Variants in PTPRG observed in about 807,000 individuals in gnomAD.
The protein encoded by PTPRG is protein tyrosine phosphatase receptor type G, also known as receptor-type tyrosine-protein phosphatase gamma.
A neutral mutation model predicts 165.3 loss-of-function variants in PTPRG; 102 were observed. The observed-to-expected ratio is 0.62, with a 90% confidence interval of 0.53 to 0.73. The LOEUF (loss-of-function observed/expected upper bound fraction) is 0.73, where lower values mean the gene tolerates loss of function less well. Ranked by LOEUF, PTPRG falls within the 30% of genes least tolerant of loss-of-function variation. PTPRG has a pLI of 0.00. For missense variants in PTPRG, 1,866 were observed against 1,861.4 expected (o/e 1.00, Z -0.05); for synonymous variants, 675 against 669.5 (o/e 1.01, Z -0.13).
chr3:62,077,167 G>A (rs537811211), intron 4 of PTPRG, among the ~76,000 whole-genome samples: 3 of 152,212 alleles, frequency 2.0e-5, no homozygotes, highest in Non-Finnish European at 2.9e-5. Context: ...TCAGGAGGCT[G>A]AGGTGGGAGG....
chr3:61,699,808 G>A (rs1399093713), intron 1 of PTPRG, among the ~76,000 whole-genome samples: 1 of 152,162 alleles, frequency 6.6e-6, no homozygotes, highest in Non-Finnish European at 1.5e-5. Flanking sequence ...CTTCAGAGCA[G>A]GAAAATGCCT....
chr3:61,612,495 A>C (rs1337483045), intron 1 of PTPRG, among the ~76,000 whole-genome samples: 1 of 152,192 alleles, frequency 6.6e-6, no homozygotes, highest in Non-Finnish European at 1.5e-5. Context: ...TCCAGTTAGA[A>C]ATGTCAACAC....
chr3:62,243,760 A>G, intron 14 of PTPRG, 47 bp from the exon 15 acceptor site: 1 of 1,217,980 alleles, frequency 8.2e-7, no homozygotes, highest in Non-Finnish European at 1.2e-6. Context: ...GATGAACTCA[A>G]ATAAAGTATA....
intron 2 of PTPRG, among the ~76,000 whole-genome samples, chr3:61,881,778 G>A (rs1412888030): frequency 6.6e-6 from 1 of 152,124 alleles, no homozygotes; most frequent in African/African-American, 2.4e-5. Context: ...CATTGTCTTA[G>A]ATGGTGCCTG....
At chr3:61,908,315 A>G (rs1214267651) in intron 2 of PTPRG, among the ~76,000 whole-genome samples, 1 of 147,312 alleles carries the variant, frequency 6.8e-6, no homozygotes, top group Non-Finnish European at 1.5e-5. Flanking sequence ...AGTCCCAGCT[A>G]CTCGGGAGGC....
At chr3:62,031,239 G>A (rs1160346940) in intron 4 of PTPRG, among the ~76,000 whole-genome samples, 2 of 152,192 alleles carry the variant, frequency 1.3e-5, no homozygotes, top group Admixed American at 1.3e-4. Flanking sequence ...GGCTACATAG[G>A]AAGAAAATAA....
intron 2 of PTPRG, among the ~76,000 whole-genome samples, chr3:61,851,457 A>G (rs1322849936): frequency 3.3e-5 from 5 of 151,962 alleles, no homozygotes; most frequent in Non-Finnish European, 5.9e-5. Context: ...GCCAGAAAAT[A>G]TACAATACTA....
At chr3:61,643,932 G>A (rs1361587801) in intron 1 of PTPRG, among the ~76,000 whole-genome samples, 1 of 152,202 alleles carries the variant, frequency 6.6e-6, no homozygotes, top group African/African-American at 2.4e-5. Context: ...TTTGCACCTT[G>A]TAGGAAGGAA....
intron 1 of PTPRG, among the ~76,000 whole-genome samples, chr3:61,690,619 C>T (rs1296352378): frequency 6.6e-6 from 1 of 152,176 alleles, no homozygotes; most frequent in Non-Finnish European, 1.5e-5. Flanking sequence ...TAGATTCGTC[C>T]ATCCTCCTTC....
At chr3:62,287,400 T>C (rs1702705803) in intron 28 of PTPRG, among the ~76,000 whole-genome samples, 1 of 152,110 alleles carries the variant, frequency 6.6e-6, no homozygotes, top group South Asian at 2.1e-4. Flanking sequence ...TAATAGGGTA[T>C]TAAAATATAT....
intron 1 of PTPRG, among the ~76,000 whole-genome samples, chr3:61,672,789 GA>G (rs1338895430): frequency 7.0e-6 from 1 of 143,008 alleles, no homozygotes; most frequent in African/African-American, 2.7e-5. Flanking sequence ...GAGGGAGAGA[GA>G]GGGAGAGAGG....
At chr3:61,920,147 C>A (rs72882294) in intron 2 of PTPRG, among the ~76,000 whole-genome samples, 108 of 152,304 alleles carry the variant, frequency 7.1e-4, no homozygotes, top group African/African-American at 2.4e-3. Flanking sequence ...CATCTCAGTT[C>A]TAGAACAAAC....
At chr3:61,723,624 C>G (rs1647318224) in intron 1 of PTPRG, among the ~76,000 whole-genome samples, 1 of 152,116 alleles carries the variant, frequency 6.6e-6, no homozygotes, top group South Asian at 2.1e-4. Context: ...TGTAGATTCA[C>G]AGGAAGGTGC....
intron 20 of PTPRG, 147 bp downstream of exon 20, chr3:62,269,316 TC>T: frequency 1.2e-6 from 1 of 836,530 alleles, no homozygotes; most frequent in Non-Finnish European, 1.7e-6. Context: ...TTGATTGACA[TC>T]AGTGTATGGT....
chr3:61,781,003 C>T (rs920738742), intron 2 of PTPRG, among the ~76,000 whole-genome samples: 1 of 152,206 alleles, frequency 6.6e-6, no homozygotes, highest in African/African-American at 2.4e-5. Context: ...AATTATGTAG[C>T]TCTTAGAGTA....
At chr3:61,995,681 CGCCTTCCTTCCTTCCTTCCTTCCT>C (rs1199118013) in intron 3 of PTPRG, among the ~76,000 whole-genome samples, 5 of 90,504 alleles carry the variant, frequency 5.5e-5, no homozygotes, top group Admixed American at 1.1e-4. Context: ...CCTGCCCGCC[CGCCTTCCTTCCTTCCTTCCTTCCT>C]TCCTTCCTTC....
chr3:61,584,016 T>G lies in PTPRG; in HGVS notation c.85+21644T>G, dbSNP rs143095442. On this transcript the variant is annotated intron_variant, in intron 1 of 29. Coordinates refer to ENST00000474889, the MANE Select transcript of PTPRG (RefSeq NM_002841.4). ...TCCCCTGCCTGCCAAAAATAATCCT[T>G]TAATAGTGGTTTCATTTCTTTGTTT... Among the ~76,000 whole-genome samples the G allele has an allele frequency of 2.3e-3, 345 of 152,300 alleles. 5 individuals carry two copies. The highest frequency in any genetic ancestry group is 7.9e-3 in the African/African-American group (329 of 41,566).
intron 2 of PTPRG, among the ~76,000 whole-genome samples, chr3:61,940,911 G>A (rs12715575): frequency 0.41 from 62,737 of 151,816 alleles, 13,962 homozygotes; most frequent in Non-Finnish European, 0.5. Flanking sequence ...TGATCCGCCC[G>A]CCTCGGCCTC....
chr3:61,586,912 C>T (rs1469558722), intron 1 of PTPRG, among the ~76,000 whole-genome samples: 2 of 152,222 alleles, frequency 1.3e-5, no homozygotes, highest in African/African-American at 4.8e-5. Flanking sequence ...TATGTGTCTG[C>T]TTCCAGCTCT....
Sources: allele counts gnomAD v4.1 joint callset (sites outside exome capture counted in the v4.1 genomes callset), GRCh38; gene constraint gnomAD v4.1.1; transcripts MANE v1.5; gene names NCBI Gene and HGNC (gene_info 2026-07-23, HGNC 2026-07-21).